ASPRV1: variants seen among roughly 807,000 people sequenced by gnomAD.
ASPRV1 encodes retroviral-like aspartic protease 1.
In ASPRV1, 7 loss-of-function variants were observed where a neutral mutation model predicts 11.0. The ratio of observed to expected loss-of-function variants is 0.64; its 90% CI spans 0.36 to 1.20. The LOEUF is 1.20. Ranked by LOEUF, ASPRV1 falls within the 50% of genes most tolerant of loss-of-function variation. The probability of loss-of-function intolerance (pLI) is 0.02; values close to 1 mark genes in which losing one functional copy is unlikely to be tolerated. For missense variants in ASPRV1, 299 were observed against 320.0 expected (o/e 0.93, Z 0.50); for synonymous variants, 136 against 138.4 (o/e 0.98, Z 0.12).
At chr2:70,034,795 C>T in the ASPRV1 span, 1 of 152,164 alleles carries the variant, frequency 6.6e-6, no homozygotes, top group South Asian at 2.1e-4. Flanking sequence ...CCCCCACAGA[C>T]CCTCTGAAGA....
chr2:69,938,214 A>G, the ASPRV1 span: 1 of 1,614,212 alleles, frequency 6.2e-7, no homozygotes, highest in African/African-American at 1.3e-5. Flanking sequence ...GGCAGTGATG[A>G]GGGCTATTCC....
chr2:69,972,564 G>GC, the ASPRV1 span, among the ~76,000 whole-genome samples: 2 of 151,778 alleles, frequency 1.3e-5, no homozygotes, highest in African/African-American at 4.8e-5. Context: ...CACCACGTTC[G>GC]CAGGACTGAT....
the ASPRV1 span, among the ~76,000 whole-genome samples, chr2:70,058,217 T>TA: frequency 1.3e-5 from 2 of 152,238 alleles, no homozygotes; most frequent in Non-Finnish European, 2.9e-5. Flanking sequence ...GCTGTCTTTA[T>TA]AAATTTCTTG....
the ASPRV1 span, among the ~76,000 whole-genome samples, chr2:70,010,954 G>A: frequency 1.3e-5 from 2 of 152,090 alleles, no homozygotes; most frequent in South Asian, 2.1e-4. Flanking sequence ...GTAAGTACTC[G>A]ATATGTATTT....
the ASPRV1 span, among the ~76,000 whole-genome samples, chr2:69,948,891 C>T: frequency 1.3e-5 from 2 of 152,198 alleles, no homozygotes; most frequent in East Asian, 3.9e-4. Context: ...TACACCCCAC[C>T]CCTCTCCTCA....
chr2:69,967,951 G>A, the ASPRV1 span, among the ~76,000 whole-genome samples: 11 of 152,006 alleles, frequency 7.2e-5, no homozygotes, highest in Non-Finnish European at 1.3e-4. Flanking sequence ...GCGTGGTGGC[G>A]CATGCCTGTA....
the ASPRV1 span, chr2:70,087,095 G>C: frequency 7.0e-6 from 1 of 141,868 alleles, no homozygotes; most frequent in Non-Finnish European, 1.5e-5. Flanking sequence ...TTTTAAACCC[G>C]CGGCGTCCCG....
At chr2:70,011,092 C>A in the ASPRV1 span, among the ~76,000 whole-genome samples, 1 of 151,968 alleles carries the variant, frequency 6.6e-6, no homozygotes, top group Non-Finnish European at 1.5e-5. Context: ...GCAATACACA[C>A]TGGGACCTCC....
the ASPRV1 span, chr2:70,032,205 G>C: frequency 1.3e-5 from 2 of 152,222 alleles, no homozygotes; most frequent in Non-Finnish European, 2.9e-5. Flanking sequence ...TGGAATTACA[G>C]TGGATGTTAA....
At chr2:70,058,204 T>C in the ASPRV1 span, among the ~76,000 whole-genome samples, 1 of 152,210 alleles carries the variant, frequency 6.6e-6, no homozygotes, top group African/African-American at 2.4e-5. Flanking sequence ...CCCTTTACAC[T>C]CTGCTGTCTT....
chr2:69,944,047 G>T, the ASPRV1 span, among the ~76,000 whole-genome samples: 1 of 152,200 alleles, frequency 6.6e-6, no homozygotes, highest in Non-Finnish European at 1.5e-5. Context: ...CAAAGAGTAG[G>T]GGTGGCAGCT....
At chr2:70,058,592 C>G in the ASPRV1 span, among the ~76,000 whole-genome samples, 1 of 149,700 alleles carries the variant, frequency 6.7e-6, no homozygotes, top group African/African-American at 2.5e-5. Flanking sequence ...CGCTCTTGTA[C>G]CCCAGGCTAG....
At chr2:69,984,465 C>T in the ASPRV1 span, among the ~76,000 whole-genome samples, 1 of 152,160 alleles carries the variant, frequency 6.6e-6, no homozygotes, top group African/African-American at 2.4e-5. Context: ...TGAGTTCTAC[C>T]ATGTGCTGAG....
At chr2:69,969,795 GC>G in the ASPRV1 span, among the ~76,000 whole-genome samples, 1 of 152,058 alleles carries the variant, frequency 6.6e-6, no homozygotes, top group Non-Finnish European at 1.5e-5. Context: ...GCTCCCTGAA[GC>G]CTTGACCTCC....
the ASPRV1 span, chr2:70,048,639 T>C: frequency 6.6e-6 from 1 of 152,168 alleles, no homozygotes; most frequent in African/African-American, 2.4e-5. Context: ...ATGGTAAGAG[T>C]GTACACTAAT....
chr2:70,006,105 A>ACATGCC, the ASPRV1 span, among the ~76,000 whole-genome samples: 1 of 152,216 alleles, frequency 6.6e-6, no homozygotes, highest in Non-Finnish European at 1.5e-5. Context: ...GTGCACATGC[A>ACATGCC]CATGCCCATG....
chr2:69,977,355 T>C, the ASPRV1 span, among the ~76,000 whole-genome samples: 1 of 152,192 alleles, frequency 6.6e-6, no homozygotes. Context: ...GGGAAGTCAC[T>C]GGCAATGGGA....
At chr2:69,936,150 C>G in the ASPRV1 span, among the ~76,000 whole-genome samples, 4 of 152,068 alleles carry the variant, frequency 2.6e-5, no homozygotes, top group African/African-American at 4.8e-5. Flanking sequence ...TCTACTTATT[C>G]TTCAGATCAC....
chr2:69,949,016 T>C, the ASPRV1 span, among the ~76,000 whole-genome samples: 1 of 152,130 alleles, frequency 6.6e-6, no homozygotes, highest in Non-Finnish European at 1.5e-5. Flanking sequence ...CCCCGTGTCC[T>C]TGAGGACCCC....
Sources: gnomAD v4.1 joint callset for allele counts (sites outside exome capture counted in the v4.1 genomes callset) on GRCh38, gnomAD v4.1.1 for gene constraint, MANE v1.5 for transcripts, NCBI Gene and HGNC (gene_info 2026-07-23, HGNC 2026-07-21) for gene names.